TIA1: variants seen among roughly 807,000 people sequenced by gnomAD.
TIA1 encodes the protein TIA1 cytotoxic granule associated RNA binding protein.
In TIA1, 23 loss-of-function variants were observed where a neutral mutation model predicts 65.9. The observed-to-expected ratio is 0.35, with a 90% CI of 0.25 to 0.49. The LOEUF is 0.49. Among genes scored for constraint, TIA1 ranks in the 20% least tolerant of loss-of-function variants. The pLI is 0.98. For missense variants in TIA1, 371 were observed against 477.9 expected, an observed-to-expected ratio of 0.78 and a Z score of 2.09; for synonymous variants, 147 against 149.4, an observed-to-expected ratio of 0.98 and a Z score of 0.12.
chr2:70,232,384 T>G (rs1216300484), intron 2 of TIA1, among the ~76,000 whole-genome samples: 2 of 143,894 alleles, frequency 1.4e-5, no homozygotes, highest in Middle Eastern at 3.9e-3. Context: ...CTACTAAAAA[T>G]ACAAAATTAG....
intron 3 of TIA1, 41 bp downstream of exon 3, chr2:70,230,715 T>A (rs1685891832): frequency 6.9e-7 from 1 of 1,444,694 alleles, no homozygotes; most frequent in African/African-American, 1.4e-5. Flanking sequence ...TAACTTAAAT[T>A]TTTTCAGTGC....
chr2:70,209,473 T>C lies in TIA1; in HGVS notation c.*3246A>G. The stretch of plus-strand genomic sequence containing the variant: ...ATTGAGACACACTCACACATTTTAT[T>C]AAGGCTCTTAAATTGAAACTCATCA... On this transcript the variant is annotated 3_prime_UTR_variant, in exon 13 of 13. Transcript: ENST00000433529. 1 of 397,434 alleles carries C rather than the reference T, an allele frequency of 2.5e-6. No homozygotes were observed. Among genetic ancestry groups the C allele is most frequent in the Non-Finnish European group, 4.4e-6 (1 of 225,806 alleles). The allele number at this position is 397,434 out of a possible 1,614,324, so 24.6% of individuals were successfully genotyped here.
intron 1 of TIA1, 80 bp from the exon 2 acceptor site, chr2:70,236,255 A>T (rs1688893524): frequency 1.1e-6 from 1 of 900,058 alleles, no homozygotes; most frequent in East Asian, 2.6e-5. Context: ...ATAGAGTGCA[A>T]TGGCACGATC....
At chr2:70,233,007 A>G (rs1026956634) in intron 2 of TIA1, among the ~76,000 whole-genome samples, 18 of 152,240 alleles carry the variant, frequency 1.2e-4, no homozygotes, top group Admixed American at 3.3e-4. Flanking sequence ...GCAAAATATC[A>G]AATGACATTA....
chr2:70,248,350 C>A, intron 1 of TIA1, 55 bp downstream of exon 1: 1 of 1,578,392 alleles, frequency 6.3e-7, no homozygotes, highest in Non-Finnish European at 8.6e-7. Context: ...AGGGCCGAGG[C>A]CTTCCCTCCG....
In TIA1 at chr2:70,233,418, A is replaced by G. The variant is rs1687384035; in HGVS notation, c.124-2564T>C. On this transcript the variant is annotated intron_variant, in intron 2 of 12. Coordinates refer to ENST00000433529, the MANE Select transcript of TIA1 (RefSeq NM_022173.4). ...ATATAACTCAAACTAATAAAACACA[A>G]TGGGAATTCTATTACCAAGATCAAT... Among the ~76,000 whole-genome samples, 3 of 152,238 alleles carry G rather than the reference A, an allele frequency of 2.0e-5. No homozygotes were observed. The South Asian group carries it at 6.2e-4, about 31-fold the overall frequency.
rs752125738 is a variant in TIA1, at chr2:70,227,839, A to AG, written c.311-18dup. ...GGAAATGATCTTATAAGGGGAAGGA[A>AG]GGGGAAGTGAAAAGAAAAATAGAAC... On this transcript the variant is annotated splice_polypyrimidine_tract_variant and intron_variant, in intron 5 of 12. Coordinates refer to ENST00000433529, the MANE Select transcript of TIA1 (RefSeq NM_022173.4). The AG allele has an allele frequency of 1.9e-6, 3 of 1,549,504 alleles. No individual in the cohort carries two copies. Among genetic ancestry groups the AG allele is most frequent in the Non-Finnish European group, 2.6e-6 (3 of 1,134,794 alleles).
intron 1 of TIA1, among the ~76,000 whole-genome samples, chr2:70,238,484 G>C (rs1464457114): frequency 2.6e-5 from 4 of 151,496 alleles, no homozygotes; most frequent in Non-Finnish European, 5.9e-5. Flanking sequence ...TATTGGCCAG[G>C]CTGGTACCCC....
Position 70,212,286 on chromosome 2 carries a change from C to A in TIA1, c.*433G>T. On this transcript the variant is annotated 3_prime_UTR_variant, in exon 13 of 13. Transcript: ENST00000433529. ...AGAATTGTGCACAAGCTGAAGATGACAAACAACTTCTAGACTCTGCACAGT... is the reference window on the plus strand; with the variant it reads ...AGAATTGTGCACAAGCTGAAGATGAAAAACAACTTCTAGACTCTGCACAGT... 6.5e-6 allele frequency: 1 copy of A among 154,904 alleles called. No homozygotes were observed. The highest frequency in any genetic ancestry group is 1.9e-4 in the East Asian group (1 of 5,344). 9.6% of individuals were successfully genotyped at this position (154,904 alleles called of 1,614,324 possible). A position where few individuals can be genotyped will look rare whatever the true frequency, so the allele number is the denominator to read the frequency against.
At position 70,230,181 on chromosome 2, in the gene TIA1, T is replaced by G. The variant is rs376195965; in HGVS notation, c.222+575A>C. ...TGGCATGAACCCGGAAGGCAGAGCT[T>G]GCAGTGAGCTGAGATCGCGCCGCTG... On this transcript the variant is annotated intron_variant, in intron 3 of 12. Transcript: ENST00000433529. 2.4e-4 allele frequency among the ~76,000 whole-genome samples: 35 copies of G among 148,496 alleles called. 1 individual carries two copies. In the East Asian group the frequency reaches 6.1e-3, roughly 26 times the overall value.
chr2:70,245,360 A>C (rs1189585764), intron 1 of TIA1, among the ~76,000 whole-genome samples: 1 of 152,204 alleles, frequency 6.6e-6, no homozygotes, highest in Non-Finnish European at 1.5e-5. Context: ...GCACAATAAC[A>C]GTATAGTTAT....
intron 7 of TIA1, among the ~76,000 whole-genome samples, chr2:70,222,875 T>C (rs751079366): frequency 1.4e-4 from 21 of 152,310 alleles, no homozygotes; most frequent in South Asian, 4.1e-4. Context: ...AATTGCGCCA[T>C]TGCGCTCCAG....
At chr2:70,217,148 T>C in intron 7 of TIA1, 154 bp from the exon 8 acceptor site, 2 of 548,536 alleles carry the variant, frequency 3.6e-6, no homozygotes, top group Admixed American at 8.2e-5. Flanking sequence ...TAAAATGCAA[T>C]GGTGCTTTTT....
rs141564047 is a variant in TIA1, at chr2:70,248,548, C to T, written c.-118G>A. The T allele has an allele frequency of 3.6e-3, 5,296 of 1,462,998 alleles. 8 individuals are homozygous for T. The highest frequency in any genetic ancestry group is 4.4e-3 in the Non-Finnish European group (4,687 of 1,068,014). 90.6% of individuals were successfully genotyped at this position (1,462,998 alleles called of 1,614,324 possible). A position where few individuals can be genotyped will look rare whatever the true frequency, so the allele number is the denominator to read the frequency against. On this transcript the variant is annotated 5_prime_UTR_variant, in exon 1 of 13. Transcript: ENST00000433529. ...GGGTTTCTCGGCTGACCAGAGGTTA[C>T]TCCGCCTCCTCCTCCGGCGGCAATT...
rs559869687 is a variant in TIA1 at position 70,211,257 on chromosome 2, A to G, written c.*1462T>C. ...ACTCTGAAATATACTAGAAATTTCA[A>G]AACTAGAACAATGCCATCAAAGATT... On this transcript the variant is annotated 3_prime_UTR_variant, in exon 13 of 13. Transcript: ENST00000433529. 6.6e-6 allele frequency: 1 copy of G among 152,210 alleles called. No homozygotes were observed. The highest frequency in any genetic ancestry group is 1.5e-5 in the Non-Finnish European group (1 of 68,042). The allele number at this position is 152,210 out of a possible 1,614,324, so 9.4% of individuals were successfully genotyped here.
chr2:70,247,532 G>T (rs1394062401), intron 1 of TIA1, among the ~76,000 whole-genome samples: 1 of 152,106 alleles, frequency 6.6e-6, no homozygotes, highest in Non-Finnish European at 1.5e-5. Flanking sequence ...GCCAACAAAG[G>T]CAGGATCAAC....
In TIA1 at chr2:70,212,796, G is replaced by C; in HGVS notation, c.1084C>G (p.Pro362Ala). The change falls in exon 13 of 13, where the codon CCG becomes GCG. Residue 362 changes from proline to alanine, a missense_variant. Pro to Ala is a conservative substitution (Grantham distance 27). Coordinates refer to ENST00000433529, the MANE Select transcript of TIA1 (RefSeq NM_022173.4). ...PWMGPNYGVQ[P>A]PQGQNGSMLP... is the part of the protein sequence containing the mutation. ...ATGCTGCCATTTTGCCCTTGAGGCGGTTGCACTCCATAATTTGGTCCCATC... is the reference window on the plus strand; with the variant it reads ...ATGCTGCCATTTTGCCCTTGAGGCGCTTGCACTCCATAATTTGGTCCCATC... 6.2e-7 allele frequency: 1 copy of C among 1,614,158 alleles called. No homozygotes were observed. Among genetic ancestry groups the C allele is most frequent in the East Asian group, 2.2e-5 (1 of 44,886 alleles).
intron 7 of TIA1, among the ~76,000 whole-genome samples, chr2:70,221,470 C>CAA (rs112906228): frequency 4.2e-5 from 6 of 143,828 alleles, no homozygotes; most frequent in Admixed American, 2.8e-4. Context: ...ACCCTCTCTC[C>CAA]AAAAAAAAAA....
In TIA1 at chr2:70,235,993, G is replaced by A. The variant is rs561203992; in HGVS notation, c.123+86C>T. 103 of 756,652 alleles carry A rather than the reference G, an allele frequency of 1.4e-4. No individual in the cohort carries two copies. In the African/African-American group the frequency reaches 1.4e-3, roughly 11 times the overall value. The allele number at this position is 756,652 out of a possible 1,614,324, so 46.9% of individuals were successfully genotyped here. A position where few individuals can be genotyped will look rare whatever the true frequency, so the allele number is the denominator to read the frequency against. ...TAATTTATACTATATTTAGACCATGGTAAACTAAGAATTCCTTCCAAGCAA... is the reference window on the plus strand; with the variant it reads ...TAATTTATACTATATTTAGACCATGATAAACTAAGAATTCCTTCCAAGCAA... On this transcript the variant is annotated intron_variant, in intron 2 of 12. Coordinates refer to ENST00000433529, the MANE Select transcript of TIA1 (RefSeq NM_022173.4).
Sources: gnomAD v4.1 joint callset for allele counts (sites outside exome capture counted in the v4.1 genomes callset) on GRCh38, gnomAD v4.1.1 for gene constraint, MANE v1.5 for transcripts, NCBI Gene and HGNC (gene_info 2026-07-23, HGNC 2026-07-21) for gene names.